Variants in ALK observed in about 807,000 individuals in gnomAD.
The protein encoded by ALK is ALK tyrosine kinase receptor.
A neutral mutation model predicts 163.1 loss-of-function variants in ALK; 74 were observed. That is an observed-to-expected ratio of 0.45 (90% CI 0.38 to 0.55). The LOEUF is 0.55. ALK is among the 20% of genes least tolerant of loss of function. The pLI is 0.00. For missense variants in ALK, 2,063 were observed against 2,105.3 expected (o/e 0.98, Z 0.39); for synonymous variants, 960 against 843.2 (o/e 1.14, Z -2.40).
At chr2:29,748,146 G>A (rs1680255365) in intron 1 of ALK, among the ~76,000 whole-genome samples, 1 of 152,146 alleles carries the variant, frequency 6.6e-6, no homozygotes, top group African/African-American at 2.4e-5. Flanking sequence ...TCCACATGGT[G>A]CCTTTGATGT....
intron 1 of ALK, among the ~76,000 whole-genome samples, chr2:29,721,774 A>G (rs1028290186): frequency 9.8e-5 from 15 of 152,298 alleles, no homozygotes; most frequent in South Asian, 4.1e-4. Context: ...AGTCACACAA[A>G]CATGCACCAT....
At chr2:29,350,414 G>T (rs891860562) in intron 5 of ALK, among the ~76,000 whole-genome samples, 1 of 152,218 alleles carries the variant, frequency 6.6e-6, no homozygotes, top group Non-Finnish European at 1.5e-5. Flanking sequence ...CATTGGATCT[G>T]GAGAGGGGAC....
Position 29,289,514 on chromosome 2 carries a change from C to T in ALK, c.1817+7374G>A, listed in dbSNP as rs116162730. On this transcript the variant is annotated intron_variant, in intron 9 of 28. Transcript: ENST00000389048. The stretch of plus-strand genomic sequence containing the variant: ...TCAATGTCCCCAGCCCCTGTAGCTT[C>T]GGGAAGGGACACTTGTGCTGCCACA... Among the ~76,000 whole-genome samples the T allele has an allele frequency of 7.1e-3, 1,086 of 152,280 alleles. 16 individuals carry two copies. The highest frequency in any genetic ancestry group is 0.025 in the African/African-American group (1,028 of 41,554).
At chr2:29,218,911 G>C (rs1669710493) in intron 23 of ALK, among the ~76,000 whole-genome samples, 1 of 152,256 alleles carries the variant, frequency 6.6e-6, no homozygotes, top group Admixed American at 6.5e-5. Flanking sequence ...TGGATGCCTG[G>C]CAGTGTTGGC....
intron 4 of ALK, among the ~76,000 whole-genome samples, chr2:29,529,300 G>C (rs1044291410): frequency 6.6e-6 from 1 of 152,172 alleles, no homozygotes; most frequent in Non-Finnish European, 1.5e-5. Flanking sequence ...ACGGAATGTT[G>C]TTTTCCAAAT....
intron 3 of ALK, among the ~76,000 whole-genome samples, chr2:29,678,218 G>T (rs141340311): frequency 0.013 from 1,983 of 151,908 alleles, 39 homozygotes; most frequent in African/African-American, 0.045. Flanking sequence ...TGAATAAAAG[G>T]TTTATCAATT....
intron 3 of ALK, among the ~76,000 whole-genome samples, chr2:29,587,253 G>A (rs1247001533): frequency 6.6e-6 from 1 of 152,082 alleles, no homozygotes; most frequent in Non-Finnish European, 1.5e-5. Context: ...ATTGCCTGAT[G>A]TCTTTCAAGC....
intron 1 of ALK, among the ~76,000 whole-genome samples, chr2:29,739,054 T>C (rs1679973394): frequency 6.6e-6 from 1 of 151,190 alleles, no homozygotes; most frequent in Non-Finnish European, 1.5e-5. Context: ...CTGGGCAACA[T>C]AGTGAGACCC....
At position 29,833,981 on chromosome 2, in the gene ALK, G is replaced by A. The variant is rs577754526; in HGVS notation, c.667+86012C>T. 8.5e-5 allele frequency among the ~76,000 whole-genome samples: 13 copies of A among 152,206 alleles called. No homozygotes were observed. In the South Asian group the frequency reaches 2.7e-3, roughly 32 times the overall value. On this transcript the variant is annotated intron_variant, in intron 1 of 28. Coordinates refer to ENST00000389048, the MANE Select transcript of ALK (RefSeq NM_004304.5). The stretch of plus-strand genomic sequence containing the variant: ...CCCAGCCCTCATTATCTCAAGCCAG[G>A]GAGCACAGTTTAATTCTGCAAAATC...
chr2:29,615,614 C>T (rs147237101), intron 3 of ALK, among the ~76,000 whole-genome samples: 5 of 152,244 alleles, frequency 3.3e-5, no homozygotes, highest in African/African-American at 9.6e-5. Flanking sequence ...ATACTATTTG[C>T]CCTGTGCCCA....
intron 5 of ALK, among the ~76,000 whole-genome samples, chr2:29,362,363 G>A (rs752812146): frequency 2.4e-4 from 37 of 152,084 alleles, no homozygotes; most frequent in Admixed American, 1.5e-3. Flanking sequence ...AATATTCTAG[G>A]TGCTAAAGAG....
intron 2 of ALK, among the ~76,000 whole-genome samples, chr2:29,716,501 T>G (rs1247097040): frequency 3.9e-5 from 6 of 152,158 alleles, no homozygotes; most frequent in Non-Finnish European, 8.8e-5. Flanking sequence ...TATGAGCTGT[T>G]AGAATGAGCA....
At chr2:29,434,461 G>A (rs958192009) in intron 4 of ALK, among the ~76,000 whole-genome samples, 8 of 152,134 alleles carry the variant, frequency 5.3e-5, no homozygotes, top group African/African-American at 1.4e-4. Context: ...ATGGAAACAC[G>A]TTCATCAATT....
At chr2:29,804,490 G>C (rs1051809385) in intron 1 of ALK, among the ~76,000 whole-genome samples, 1 of 152,188 alleles carries the variant, frequency 6.6e-6, no homozygotes, top group African/African-American at 2.4e-5. Flanking sequence ...TAAAAGTAAG[G>C]CAGGCCAGGA....
intron 3 of ALK, among the ~76,000 whole-genome samples, chr2:29,552,207 G>A (rs942613702): frequency 3.9e-5 from 6 of 152,120 alleles, no homozygotes; most frequent in Admixed American, 3.9e-4. Flanking sequence ...TCCTTTTTAA[G>A]GTCATGGTAT....
At chr2:29,728,597 G>C (rs567470406) in intron 1 of ALK, among the ~76,000 whole-genome samples, 2 of 152,192 alleles carry the variant, frequency 1.3e-5, no homozygotes, top group South Asian at 2.1e-4. Flanking sequence ...ACTTCATTAC[G>C]AGAGGCAGGG....
intron 1 of ALK, among the ~76,000 whole-genome samples, chr2:29,748,930 G>A (rs1351818932): frequency 1.3e-5 from 2 of 152,122 alleles, no homozygotes; most frequent in Admixed American, 6.5e-5. Flanking sequence ...ATTTTTAGTA[G>A]AGATGGGGTT....
At chr2:29,486,088 T>C (rs1671769927) in intron 4 of ALK, among the ~76,000 whole-genome samples, 1 of 15,462 alleles carries the variant, frequency 6.5e-5, no homozygotes, top group South Asian at 4.3e-3. Flanking sequence ...GTTTGAGAGA[T>C]GGAAACACGG....
At chr2:29,385,737 T>C (rs1265436860) in intron 4 of ALK, among the ~76,000 whole-genome samples, 1 of 152,210 alleles carries the variant, frequency 6.6e-6, no homozygotes, top group Non-Finnish European at 1.5e-5. Context: ...AATGAGACCA[T>C]AGTACATATA....
Sources: gnomAD v4.1 joint callset for allele counts (sites outside exome capture counted in the v4.1 genomes callset) on GRCh38, gnomAD v4.1.1 for gene constraint, MANE v1.5 for transcripts, NCBI Gene and HGNC (gene_info 2026-07-23, HGNC 2026-07-21) for gene names.